Variants in TOPAZ1 observed in about 807,000 individuals in gnomAD.
TOPAZ1 encodes the protein testis and ovary specific TOPAZ 1.
In TOPAZ1, 66 loss-of-function variants were observed where a neutral mutation model predicts 172.2. That is an observed-to-expected ratio of 0.38 (90% confidence interval 0.31 to 0.47). The LOEUF (loss-of-function observed/expected upper bound fraction) is 0.47. Ranked by LOEUF, TOPAZ1 falls within the 20% of genes least tolerant of loss-of-function variation. The probability of loss-of-function intolerance (pLI) is 0.99; values close to 1 mark genes in which losing one functional copy is unlikely to be tolerated. For missense variants in TOPAZ1, 1,822 were observed against 1,972.4 expected (o/e 0.92, Z 1.44); for synonymous variants, 681 against 683.9 (o/e 1.00, Z 0.07).
intron 12 of TOPAZ1, among the ~76,000 whole-genome samples, chr3:44,297,169 C>CAAAAA (rs35773194): frequency 3.0e-5 from 4 of 135,550 alleles, no homozygotes; most frequent in African/African-American, 1.1e-4. Flanking sequence ...AAGTCTGTCT[C>CAAAAA]AAAAAAAAAA....
At chr3:44,286,365 G>A (rs765508316) in intron 9 of TOPAZ1, among the ~76,000 whole-genome samples, 11 of 152,072 alleles carry the variant, frequency 7.2e-5, no homozygotes, top group African/African-American at 2.2e-4. Flanking sequence ...TGAGTTTACC[G>A]TTTTATCAGT....
chr3:44,311,595 G>T (rs908226646), intron 16 of TOPAZ1, among the ~76,000 whole-genome samples: 1 of 152,108 alleles, frequency 6.6e-6, no homozygotes, highest in African/African-American at 2.4e-5. Flanking sequence ...TCAATTATAA[G>T]CAGTATTCTT....
chr3:44,243,460 A>G lies in TOPAZ1; in HGVS notation c.954A>G (p.Lys318=), dbSNP rs897425980. Residue 318 remains lysine, a synonymous_variant, in exon 2 of 20, where the codon AAA becomes AAG. Transcript: ENST00000309765. ...LLSCLQHEKN[K]YSIEESSVGR... is the part of the protein sequence containing the mutation. ...CCTGCCTTCAACATGAAAAAAATAAATATTCAATAGAGGAGAGCAGTGTTG... is the reference window on the plus strand; with the variant it reads ...CCTGCCTTCAACATGAAAAAAATAAGTATTCAATAGAGGAGAGCAGTGTTG... 5.2e-6 allele frequency: 8 copies of G among 1,551,618 alleles called. No homozygotes were observed. In the African/African-American group the frequency reaches 1.1e-4, roughly 21 times the overall value.
chr3:44,250,802 T>A (rs1308579088), intron 2 of TOPAZ1, among the ~76,000 whole-genome samples: 4 of 152,210 alleles, frequency 2.6e-5, no homozygotes, highest in Non-Finnish European at 5.9e-5. Context: ...TTATTCTGAT[T>A]TTTTTTCTTT....
In TOPAZ1 at chr3:44,315,533, A is replaced by AT. The variant is rs369669969; in HGVS notation, c.4307-5475dup. Among the ~76,000 whole-genome samples, 2,023 of 128,898 alleles carry AT rather than the reference A, an allele frequency of 0.016. 83 individuals are homozygous for AT. The East Asian group carries it at 0.17, about 11-fold the overall frequency. 84.6% of individuals were successfully genotyped at this position (128,898 alleles called of 152,430 possible). A position where few individuals can be genotyped will look rare whatever the true frequency, so the allele number is the denominator to read the frequency against. ...CAGGTGTGCACCACCACGTCTGGCT[A>AT]TTTTTTTTTTTTTTTTTTTAGTAGG... On this transcript the variant is annotated intron_variant, in intron 16 of 19. Coordinates refer to ENST00000309765, the MANE Select transcript of TOPAZ1 (RefSeq NM_001145030.2).
intron 2 of TOPAZ1, among the ~76,000 whole-genome samples, chr3:44,252,562 G>A (rs139127318): frequency 6.6e-6 from 1 of 152,176 alleles, no homozygotes; most frequent in East Asian, 1.9e-4. Context: ...TGGGGTGAAA[G>A]GCTAATAATG....
In TOPAZ1 at chr3:44,244,674, G is replaced by A; in HGVS notation, c.2168G>A (p.Gly723Glu). The A allele has an allele frequency of 6.4e-7, 1 of 1,551,292 alleles. No homozygotes were observed. Among genetic ancestry groups the A allele is most frequent in the Non-Finnish European group, 8.7e-7 (1 of 1,146,944 alleles). Residue 723 changes from glycine (G) to glutamate (E), a missense_variant, in exon 2 of 20, where the codon GGA (glycine) becomes GAA (glutamate). This residue lies in a region of TOPAZ1 where 1,489 missense variants were observed against 1,490.8 expected (regional missense o/e 1.00). Transcript: ENST00000309765. ...SPLELLDNLSGADVRQNRSKE... is the reference protein window; with the variant it reads ...SPLELLDNLSEADVRQNRSKE... Reference sequence around the variant, plus strand: ...CTAGAACTTCTGGACAATTTATCTGGAGCAGACGTAAGACAGAACAGGAGT... The same window carrying A: ...CTAGAACTTCTGGACAATTTATCTGAAGCAGACGTAAGACAGAACAGGAGT...
chr3:44,299,485 C>T (rs1205364024), intron 12 of TOPAZ1, among the ~76,000 whole-genome samples: 58 of 151,950 alleles, frequency 3.8e-4, no homozygotes, highest in Non-Finnish European at 6.2e-4. Flanking sequence ...GAAATAGGAA[C>T]ACTTTTACAC....
intron 5 of TOPAZ1, among the ~76,000 whole-genome samples, 177 bp downstream of exon 5, chr3:44,262,660 A>AG (rs1475494154): frequency 6.6e-6 from 1 of 152,212 alleles, no homozygotes; most frequent in Non-Finnish European, 1.5e-5. Context: ...ATTGTAAATT[A>AG]CCTTAAAGCT....
intron 8 of TOPAZ1, among the ~76,000 whole-genome samples, chr3:44,271,790 A>G (rs932453589): frequency 3.3e-5 from 5 of 152,192 alleles, no homozygotes; most frequent in Non-Finnish European, 5.9e-5. Context: ...CAATTATGAA[A>G]TGTGCATTAT....
intron 4 of TOPAZ1, among the ~76,000 whole-genome samples, chr3:44,257,506 G>GAA (rs1699728707): frequency 7.9e-6 from 1 of 127,132 alleles, no homozygotes; most frequent in Non-Finnish European, 1.7e-5. Flanking sequence ...GTGTGTGTGT[G>GAA]TGTGAATGAT....
chr3:44,270,870 T>C (rs1699888561), intron 8 of TOPAZ1, 60 bp downstream of exon 8: 2 of 1,427,960 alleles, frequency 1.4e-6, no homozygotes, highest in Non-Finnish European at 1.9e-6. Context: ...AGTCATGCAT[T>C]TTAATTTAGA....
At chr3:44,251,786 A>G (rs928522641) in intron 2 of TOPAZ1, among the ~76,000 whole-genome samples, 2 of 151,966 alleles carry the variant, frequency 1.3e-5, no homozygotes, top group Admixed American at 6.6e-5. Context: ...TTTTACTTAG[A>G]TCTTCTCTTT....
intron 11 of TOPAZ1, among the ~76,000 whole-genome samples, chr3:44,288,144 T>C (rs774819852): frequency 6.6e-5 from 10 of 152,102 alleles, no homozygotes; most frequent in Non-Finnish European, 1.3e-4. Context: ...TTGAGATCAT[T>C]TACAACAGAA....
chr3:44,286,973 G>A (rs1700086488), intron 9 of TOPAZ1, among the ~76,000 whole-genome samples: 1 of 152,316 alleles, frequency 6.6e-6, no homozygotes, highest in East Asian at 1.9e-4. Context: ...ATGTCAACAT[G>A]TTGGTGGGTT....
At position 44,256,253 on chromosome 3, in the gene TOPAZ1, T is replaced by G; in HGVS notation, c.2930T>G (p.Ile977Arg). Residue 977 changes from isoleucine (I) to arginine (R), a missense_variant, in exon 4 of 20, where the codon ATA becomes AGA. Coordinates refer to ENST00000309765, the MANE Select transcript of TOPAZ1 (RefSeq NM_001145030.2). ...NETLGDFSEQ[I>R]KGSDLDEKHR... ...ACACTGGGAGACTTCAGTGAACAAA[T>G]AAAAGGTTCAGACTTGGATGAAAAG... 2.6e-6 allele frequency: 4 copies of G among 1,528,354 alleles called. No homozygotes were observed. Among genetic ancestry groups the G allele is most frequent in the Non-Finnish European group, 3.5e-6 (4 of 1,140,632 alleles). The allele number at this position is 1,528,354 out of a possible 1,614,324, so 94.7% of individuals were successfully genotyped here.
intron 2 of TOPAZ1, 131 bp downstream of exon 2, chr3:44,245,402 A>G: frequency 1.1e-6 from 1 of 907,478 alleles, no homozygotes; most frequent in Non-Finnish European, 1.6e-6. Context: ...ATTAAATGTT[A>G]TATACCATTA....
chr3:44,281,687 G>T (rs1700025129), intron 8 of TOPAZ1, among the ~76,000 whole-genome samples: 1 of 152,166 alleles, frequency 6.6e-6, no homozygotes, highest in Admixed American at 6.5e-5. Flanking sequence ...TCAGCTGACT[G>T]TATATAAGTG....
intron 12 of TOPAZ1, among the ~76,000 whole-genome samples, chr3:44,296,705 T>A (rs1700199193): frequency 6.6e-6 from 1 of 151,778 alleles, no homozygotes; most frequent in Non-Finnish European, 1.5e-5. Flanking sequence ...GGCCAGATAG[T>A]TTCATTGGAC....
Sources: gnomAD v4.1 joint callset for allele counts (sites outside exome capture counted in the v4.1 genomes callset) on GRCh38, gnomAD v4.1.1 for gene constraint, gnomAD v4.1.1 regional missense constraint, MANE v1.5 for transcripts, NCBI Gene and HGNC (gene_info 2026-07-23, HGNC 2026-07-21) for gene names.